The following BANK1 variants were observed in gnomAD, a reference collection of about 807,000 sequenced individuals.
BANK1 encodes B cell scaffold protein with ankyrin repeats 1, also known as B-cell scaffold protein with ankyrin repeats.
BANK1 carries 95 observed loss-of-function variants against 94.5 expected under a neutral mutation model. The ratio of observed to expected loss-of-function variants is 1.00; its 90% CI spans 0.85 to 1.19. The LOEUF (loss-of-function observed/expected upper bound fraction) is 1.19. BANK1 is among the 50% of genes most tolerant of loss of function. The pLI is 0.00. For synonymous variants in BANK1, 334 were observed against 308.4 expected, an observed-to-expected ratio of 1.08 and a Z score of -0.87; for missense variants, 987 against 932.2, an observed-to-expected ratio of 1.06 and a Z score of -0.77.
intron 7 of BANK1, among the ~76,000 whole-genome samples, chr4:101,958,078 C>A (rs1293840984): frequency 6.6e-6 from 1 of 152,036 alleles, no homozygotes; most frequent in African/African-American, 2.4e-5. Context: ...GCTCTCCTGA[C>A]CCCGTGATCT....
chr4:102,005,736 C>T (rs980076532), intron 7 of BANK1, among the ~76,000 whole-genome samples: 1 of 151,974 alleles, frequency 6.6e-6, no homozygotes, highest in African/African-American at 2.4e-5. Flanking sequence ...TGCATTCACT[C>T]ATGACAACAT....
chr4:101,812,507 GA>G (rs1268571926), intron 1 of BANK1, among the ~76,000 whole-genome samples: 15 of 151,810 alleles, frequency 9.9e-5, no homozygotes, highest in Admixed American at 3.9e-4. Context: ...TAAAATTTAA[GA>G]ATAAATGTAA....
chr4:102,065,138 G>T (rs765248787), intron 13 of BANK1, among the ~76,000 whole-genome samples: 1 of 152,128 alleles, frequency 6.6e-6, no homozygotes, highest in Non-Finnish European at 1.5e-5. Flanking sequence ...TTAAGTTCTG[G>T]CCCTGTCAAA....
intron 11 of BANK1, among the ~76,000 whole-genome samples, chr4:102,058,851 A>C (rs770055196): frequency 1.3e-5 from 2 of 152,100 alleles, no homozygotes; most frequent in South Asian, 2.1e-4. Flanking sequence ...AGAAAGAAAG[A>C]AAGCCCCCGT....
intron 7 of BANK1, among the ~76,000 whole-genome samples, chr4:101,985,916 A>G (rs934655722): frequency 8.5e-5 from 13 of 152,148 alleles, no homozygotes; most frequent in African/African-American, 3.1e-4. Context: ...GAGAATCCTT[A>G]GTAAGCTAAG....
intron 7 of BANK1, among the ~76,000 whole-genome samples, chr4:101,950,058 TGTGCGC>T (rs1724089134): frequency 1.5e-5 from 2 of 137,066 alleles, no homozygotes; most frequent in Admixed American, 7.0e-5. Context: ...TGTGTGTGTG[TGTGCGC>T]GTGCGCGCGC....
At chr4:101,876,925 C>A (rs1728510321) in intron 5 of BANK1, among the ~76,000 whole-genome samples, 1 of 151,612 alleles carries the variant, frequency 6.6e-6, no homozygotes, top group Non-Finnish European at 1.5e-5. Context: ...GCCTCAGAGT[C>A]TTTTAATAGC....
intron 1 of BANK1, among the ~76,000 whole-genome samples, chr4:101,820,190 G>A (rs1726085864): frequency 6.6e-6 from 1 of 152,174 alleles, no homozygotes; most frequent in African/African-American, 2.4e-5. Flanking sequence ...GATAAATTCA[G>A]TCAGATCCAA....
At chr4:101,956,854 T>C (rs1457904892) in intron 7 of BANK1, among the ~76,000 whole-genome samples, 1 of 152,226 alleles carries the variant, frequency 6.6e-6, no homozygotes, top group African/African-American at 2.4e-5. Flanking sequence ...GTCCTCATAG[T>C]ACAGATAGAA....
At position 101,940,782 on chromosome 4, in the gene BANK1, T is replaced by C. The variant is rs1259202846; in HGVS notation, c.1206+22593T>C. On this transcript the variant is annotated intron_variant, in intron 7 of 16. Coordinates refer to ENST00000322953, the MANE Select transcript of BANK1 (RefSeq NM_017935.5). ...TCACATCATCTCATGATATTTCCTA[T>C]CAACATAACTCATCATTGCTGATGG... Among the ~76,000 whole-genome samples, 4 of 151,906 alleles carry C rather than the reference T, an allele frequency of 2.6e-5. No homozygotes were observed. In the East Asian group the frequency reaches 5.9e-4, roughly 22 times the overall value.
At chr4:101,872,060 G>A (rs1039874678) in intron 5 of BANK1, among the ~76,000 whole-genome samples, 6 of 152,062 alleles carry the variant, frequency 3.9e-5, no homozygotes, top group African/African-American at 1.4e-4. Flanking sequence ...GAAAGAAAGG[G>A]TCATTGCTTT....
chr4:101,941,742 T>TAC (rs10625591), intron 7 of BANK1, among the ~76,000 whole-genome samples: 57,512 of 149,570 alleles, frequency 0.38, 11,644 homozygotes, highest in South Asian at 0.53. Context: ...GATGTGTGTG[T>TAC]ACACACACAC....
At chr4:101,981,778 A>G (rs1725331457) in intron 7 of BANK1, 2 of 152,060 alleles carry the variant, frequency 1.3e-5, no homozygotes, top group African/African-American at 2.4e-5. Flanking sequence ...CATGATATTC[A>G]GTGAGTCAGC....
At chr4:101,825,113 T>A (rs1434277924) in intron 1 of BANK1, among the ~76,000 whole-genome samples, 2 of 152,152 alleles carry the variant, frequency 1.3e-5, no homozygotes, top group Non-Finnish European at 2.9e-5. Flanking sequence ...AGACTGAAGA[T>A]GTACATTTAA....
chr4:101,953,866 T>C (rs979747431), intron 7 of BANK1, among the ~76,000 whole-genome samples: 14 of 152,154 alleles, frequency 9.2e-5, no homozygotes, highest in African/African-American at 3.1e-4. Context: ...CCATTTATCT[T>C]GTACCTCTTG....
chr4:101,854,103 G>C (rs956871836), intron 2 of BANK1, among the ~76,000 whole-genome samples: 1 of 152,106 alleles, frequency 6.6e-6, no homozygotes, highest in Non-Finnish European at 1.5e-5. Context: ...TGCCAGCCTA[G>C]TTTCTAACTG....
At chr4:101,993,404 C>T (rs1162522468) in intron 7 of BANK1, among the ~76,000 whole-genome samples, 3 of 152,110 alleles carry the variant, frequency 2.0e-5, no homozygotes, top group Non-Finnish European at 4.4e-5. Flanking sequence ...TTTCATTTTT[C>T]TGATTCTAGA....
chr4:101,855,361 G>A (rs1436818811), intron 3 of BANK1, among the ~76,000 whole-genome samples, 172 bp downstream of exon 3: 1 of 152,104 alleles, frequency 6.6e-6, no homozygotes, highest in Non-Finnish European at 1.5e-5. Flanking sequence ...TTGCAGGCAT[G>A]AGCCACCGCA....
At chr4:102,019,222 ATC>A (rs1726813305) in intron 7 of BANK1, among the ~76,000 whole-genome samples, 3 of 152,214 alleles carry the variant, frequency 2.0e-5, no homozygotes, top group Admixed American at 2.0e-4. Context: ...TGGGAAATAT[ATC>A]TCTTTTTCTA....
Sources: allele counts gnomAD v4.1 joint callset (sites outside exome capture counted in the v4.1 genomes callset), GRCh38; gene constraint gnomAD v4.1.1; transcripts MANE v1.5; gene names NCBI Gene and HGNC (gene_info 2026-07-23, HGNC 2026-07-21).